ATP6V0A4: variants seen among roughly 807,000 people sequenced by gnomAD.
ATP6V0A4 encodes ATPase H+ transporting V0 subunit a4.
ATP6V0A4 carries 86 observed loss-of-function variants against 107.3 expected under a neutral mutation model. The ratio of observed to expected loss-of-function variants is 0.80; its 90% confidence interval spans 0.67 to 0.96. The LOEUF (loss-of-function observed/expected upper bound fraction) is 0.96. Among genes scored for constraint, ATP6V0A4 ranks in the 40% least tolerant of loss-of-function variants. The pLI is 0.00. For synonymous variants in ATP6V0A4, 353 were observed against 381.4 expected, an observed-to-expected ratio of 0.93 and a Z score of 0.87; for missense variants, 908 against 1,045.6, an observed-to-expected ratio of 0.87 and a Z score of 1.81.
Position 138,747,577 on chromosome 7 carries a change from G to A in ATP6V0A4, c.1181-13C>T. Reference sequence around the variant, plus strand: ...ATGGTGTAGGGGGCTGCGGAGGGGAGACACACAACGCCTGAGGCCTCAGCA... The same window carrying A: ...ATGGTGTAGGGGGCTGCGGAGGGGAAACACACAACGCCTGAGGCCTCAGCA... On this transcript the variant is annotated splice_polypyrimidine_tract_variant and intron_variant, in intron 12 of 21. Coordinates refer to ENST00000310018, the MANE Select transcript of ATP6V0A4 (RefSeq NM_020632.3). 1 of 1,613,702 alleles carries A rather than the reference G, an allele frequency of 6.2e-7. No individual in the cohort carries two copies. Among genetic ancestry groups the A allele is most frequent in the East Asian group, 2.2e-5 (1 of 44,846 alleles).
intron 2 of ATP6V0A4, among the ~76,000 whole-genome samples, chr7:138,779,456 A>C (rs987176418): frequency 1.3e-5 from 2 of 152,226 alleles, no homozygotes; most frequent in Admixed American, 6.5e-5. Context: ...TAATCTATTC[A>C]AGAAATACCC....
intron 1 of ATP6V0A4, among the ~76,000 whole-genome samples, chr7:138,797,149 C>T (rs950476334): frequency 6.6e-6 from 1 of 151,876 alleles, no homozygotes; most frequent in Non-Finnish European, 1.5e-5. Flanking sequence ...ATGCCATCTT[C>T]CCCTCTCCCC....
chr7:138,774,320 G>A lies in ATP6V0A4; in HGVS notation c.-17-3056C>T, dbSNP rs1039857644. 4.6e-5 allele frequency among the ~76,000 whole-genome samples: 7 copies of A among 151,336 alleles called. No individual in the cohort carries two copies. The South Asian group carries it at 1.0e-3, about 22-fold the overall frequency. ...GGGGCCGGGCGCCGTGGCTCACGCCGGTAATTCCAGCACTTTGGGAGGCTG... is the reference window on the plus strand; with the variant it reads ...GGGGCCGGGCGCCGTGGCTCACGCCAGTAATTCCAGCACTTTGGGAGGCTG... On this transcript the variant is annotated intron_variant, in intron 2 of 21. Coordinates refer to ENST00000310018, the MANE Select transcript of ATP6V0A4 (RefSeq NM_020632.3).
At chr7:138,708,552 C>A (rs929872933) in intron 21 of ATP6V0A4, among the ~76,000 whole-genome samples, 1 of 152,204 alleles carries the variant, frequency 6.6e-6, no homozygotes, top group Non-Finnish European at 1.5e-5. Context: ...AGGGCATGCA[C>A]TGCACACTCA....
At chr7:138,717,163 G>C (rs963213319) in intron 19 of ATP6V0A4, among the ~76,000 whole-genome samples, 2 of 152,146 alleles carry the variant, frequency 1.3e-5, no homozygotes, top group African/African-American at 2.4e-5. Flanking sequence ...CTGCACATGG[G>C]AGCTCAGGTG....
rs770882514 is a variant in ATP6V0A4, at chr7:138,771,145, C to A, written c.103G>T (p.Val35Phe). 6.2e-7 allele frequency: 1 copy of A among 1,614,076 alleles called. No homozygotes were observed. Residue 35 changes from valine (V) to phenylalanine (F), a missense_variant, in exon 3 of 22, where the codon GTT (valine) becomes TTT (phenylalanine). Transcript: ENST00000310018. ...TCAGTACCTACATCTTTGAACTGAA[C>A]CAATCCGAGCTCTCCGAGCTCAGCC... Reference protein sequence around the residue: ...CVAELGELGLVQFKDLNMNVN... With the variant: ...CVAELGELGLFQFKDLNMNVN...
At chr7:138,772,969 A>G (rs1160260673) in intron 2 of ATP6V0A4, among the ~76,000 whole-genome samples, 1 of 152,176 alleles carries the variant, frequency 6.6e-6, no homozygotes, top group East Asian at 1.9e-4. Context: ...AGCCAAGGGG[A>G]GGAGGAGGGC....
chr7:138,709,556 C>A, intron 21 of ATP6V0A4, 68 bp downstream of exon 21: 1 of 1,469,790 alleles, frequency 6.8e-7, no homozygotes, highest in South Asian at 1.1e-5. Flanking sequence ...TGAACCCAGT[C>A]GGCTGGCCCC....
At chr7:138,735,353 T>C (rs1805261153) in intron 15 of ATP6V0A4, among the ~76,000 whole-genome samples, 1 of 152,156 alleles carries the variant, frequency 6.6e-6, no homozygotes, top group African/African-American at 2.4e-5. Flanking sequence ...CTCTGGGACA[T>C]GTCAAAGGCG....
rs1554402553 is a variant in ATP6V0A4, at chr7:138,784,222, A to ATATG, written c.-18+1935_-18+1936insCATA. On this transcript the variant is annotated intron_variant, in intron 2 of 21. Coordinates refer to ENST00000310018, the MANE Select transcript of ATP6V0A4 (RefSeq NM_020632.3). ...CTATGAATCCTTAAACATTATATATATATATATATATACGTATATATATAT... is the reference window on the plus strand; with the variant it reads ...CTATGAATCCTTAAACATTATATATATATGTATATATATATACGTATATATATAT... Among the ~76,000 whole-genome samples, 38 of 86,238 alleles carry ATATG rather than the reference A, an allele frequency of 4.4e-4. No homozygotes were observed. The East Asian group carries it at 9.4e-3, about 21-fold the overall frequency. The allele number at this position is 86,238 out of a possible 152,430, so 56.6% of individuals were successfully genotyped here. A position where few individuals can be genotyped will look rare whatever the true frequency, so the allele number is the denominator to read the frequency against.
intron 21 of ATP6V0A4, 27 bp from the exon 22 acceptor site, chr7:138,706,744 A>G (rs375266833): frequency 1.2e-6 from 2 of 1,611,716 alleles, no homozygotes; most frequent in African/African-American, 2.7e-5. Flanking sequence ...GCCGTGGGGT[A>G]AGAAATGGGA....
Position 138,767,710 on chromosome 7 carries a change from C to T in ATP6V0A4, c.291+1070G>A, listed in dbSNP as rs537308596. Among the ~76,000 whole-genome samples the T allele has an allele frequency of 4.4e-4, 67 of 151,816 alleles. No individual in the cohort carries two copies. The Middle Eastern group carries it at 0.011, about 24-fold the overall frequency. ...AGGTGAAGCCTTGCCTACCTGCCCA[C>T]GCCCTGAATGAGCTGTTCCACTGCC... On this transcript the variant is annotated intron_variant, in intron 5 of 21. Coordinates refer to ENST00000310018, the MANE Select transcript of ATP6V0A4 (RefSeq NM_020632.3).
rs942823614 is a variant in ATP6V0A4 at position 138,774,596 on chromosome 7, A to AAT, written c.-17-3334_-17-3333dup. Among the ~76,000 whole-genome samples, 58 of 145,984 alleles carry AAT rather than the reference A, an allele frequency of 4.0e-4. 1 individual carries two copies. The highest frequency in any genetic ancestry group is 1.5e-3 in the South Asian group (7 of 4,722). ...ACTCCATCTCAAAAATAAATAAATA[A>AAT]ATATATATATCTATATATATAATAT... On this transcript the variant is annotated intron_variant, in intron 2 of 21. Transcript: ENST00000310018.
intron 19 of ATP6V0A4, among the ~76,000 whole-genome samples, chr7:138,721,610 A>T (rs965571197): frequency 1.2e-4 from 19 of 152,192 alleles, no homozygotes; most frequent in African/African-American, 4.3e-4. Flanking sequence ...AGGACCTTCT[A>T]TGTCACTAGA....
chr7:138,764,016 G>A (rs1228441810), intron 5 of ATP6V0A4, among the ~76,000 whole-genome samples: 4 of 147,264 alleles, frequency 2.7e-5, no homozygotes, highest in Non-Finnish European at 4.5e-5. Flanking sequence ...ACACACACAC[G>A]TATGTATATA....
At chr7:138,746,565 G>A (rs1031252384) in intron 13 of ATP6V0A4, among the ~76,000 whole-genome samples, 8 of 151,370 alleles carry the variant, frequency 5.3e-5, no homozygotes, top group African/African-American at 1.5e-4. Context: ...GTAAAGTGGC[G>A]CAATCTCAGC....
chr7:138,727,424 C>A (rs1804776938), intron 18 of ATP6V0A4, among the ~76,000 whole-genome samples: 1 of 152,214 alleles, frequency 6.6e-6, no homozygotes, highest in Non-Finnish European at 1.5e-5. Flanking sequence ...GCTCTCCCAC[C>A]AGTTAACCAA....
chr7:138,792,687 C>T (rs1808468677), intron 1 of ATP6V0A4, among the ~76,000 whole-genome samples: 1 of 151,900 alleles, frequency 6.6e-6, no homozygotes, highest in African/African-American at 2.4e-5. Context: ...CATCTCGGAT[C>T]TCCTGGGCTC....
At chr7:138,785,756 C>T (rs1431752031) in intron 2 of ATP6V0A4, among the ~76,000 whole-genome samples, 1 of 152,170 alleles carries the variant, frequency 6.6e-6, no homozygotes, top group Admixed American at 6.5e-5. Context: ...CACACACACA[C>T]ACAAACACAC....
Sources: gnomAD v4.1 joint callset for allele counts (sites outside exome capture counted in the v4.1 genomes callset) on GRCh38, gnomAD v4.1.1 for gene constraint, MANE v1.5 for transcripts, NCBI Gene and HGNC (gene_info 2026-07-23, HGNC 2026-07-21) for gene names.